DNMBP: variants seen among roughly 807,000 people sequenced by gnomAD.
DNMBP encodes dynamin binding protein.
In DNMBP, 87 loss-of-function variants were observed where a neutral mutation model predicts 150.0. That is an observed-to-expected ratio of 0.58 (90% CI 0.49 to 0.69). DNMBP has a LOEUF of 0.69. Ranked by LOEUF, DNMBP falls within the 30% of genes least tolerant of loss-of-function variation. DNMBP has a pLI of 0.00. For synonymous variants in DNMBP, 711 were observed against 750.4 expected (o/e 0.95, Z 0.86); for missense variants, 1,774 against 1,949.0 (o/e 0.91, Z 1.69).
At chr10:100,004,254 AAT>A (rs1350277783) in intron 1 of DNMBP, among the ~76,000 whole-genome samples, 1 of 150,452 alleles carries the variant, frequency 6.6e-6, no homozygotes, top group Admixed American at 6.6e-5. Context: ...CAAAAGAAAA[AAT>A]ATATATATAT....
intron 3 of DNMBP, among the ~76,000 whole-genome samples, chr10:99,962,056 T>C (rs2040570572): frequency 6.6e-6 from 1 of 151,536 alleles, no homozygotes; most frequent in Admixed American, 6.6e-5. Context: ...ATCTGAAACC[T>C]AGGCTTGCTT....
intron 4 of DNMBP, among the ~76,000 whole-genome samples, chr10:99,943,262 G>A (rs2040321965): frequency 2.0e-5 from 3 of 151,610 alleles, no homozygotes; most frequent in Admixed American, 2.0e-4. Flanking sequence ...TCCAGCCTAG[G>A]TGACAAGAGT....
intron 14 of DNMBP, among the ~76,000 whole-genome samples, chr10:99,884,771 C>CGTTA (rs2039431068): frequency 6.6e-6 from 1 of 151,992 alleles, no homozygotes; most frequent in African/African-American, 2.4e-5. Context: ...GGCATGGTAA[C>CGTTA]GCATGCCTGT....
rs781306555 is a variant in DNMBP, at chr10:99,886,356, C to T, written c.3562G>A (p.Glu1188Lys). The T allele has an allele frequency of 2.5e-6, 4 of 1,614,182 alleles. No homozygotes were observed. In the Admixed American group the frequency reaches 5.0e-5, roughly 20 times the overall value. ...LFTNCVHGYA[E>K]AHCDFVHQAL... ...TGGTGCACAAAGTCACAGTGGGCTT[C>T]AGCATAGCCGTGGACACAGTTGGTG... The change falls in exon 13 of 17, where the codon GAA (glutamate) becomes AAA (lysine). Residue 1188 changes from glutamate to lysine, a missense_variant. Glu to Lys is a moderately conservative substitution (Grantham distance 56). This residue lies in a region of DNMBP where 1,430 missense variants were observed against 1,492.5 expected (regional missense o/e 0.96). Transcript: ENST00000324109.
intron 15 of DNMBP, among the ~76,000 whole-genome samples, chr10:99,882,812 C>T (rs2039389907): frequency 6.6e-6 from 1 of 152,026 alleles, no homozygotes; most frequent in South Asian, 2.1e-4. Context: ...TGCTTGTAAT[C>T]CTGGCACTTT....
At chr10:99,953,855 A>G (rs1460910249) in intron 4 of DNMBP, among the ~76,000 whole-genome samples, 2 of 145,402 alleles carry the variant, frequency 1.4e-5, no homozygotes, top group African/African-American at 5.2e-5. Context: ...TCTGGACAGC[A>G]AAGATACAAG....
intron 3 of DNMBP, among the ~76,000 whole-genome samples, chr10:99,960,196 T>C (rs1466770604): frequency 2.0e-5 from 3 of 152,348 alleles, no homozygotes; most frequent in Non-Finnish European, 2.9e-5. Context: ...TGATTTAATT[T>C]TGAAAAAATT....
intron 16 of DNMBP, 91 bp from the exon 17 acceptor site, chr10:99,877,427 A>G: frequency 1.0e-6 from 1 of 992,706 alleles, no homozygotes; most frequent in African/African-American, 1.6e-5. Flanking sequence ...CCACATCCAC[A>G]TGCCCACATG....
At chr10:99,962,287 A>G (rs369405970) in intron 3 of DNMBP, among the ~76,000 whole-genome samples, 51 of 152,318 alleles carry the variant, frequency 3.3e-4, no homozygotes, top group South Asian at 1.2e-3. Flanking sequence ...CTGTATTTCT[A>G]CATTCCTTTA....
chr10:99,895,042 A>G lies in DNMBP; in HGVS notation c.3060T>C (p.Asp1020=). Residue 1020 remains aspartate, a synonymous_variant, in exon 11 of 17, where the codon GAT becomes GAC. Transcript: ENST00000324109. ...TTTTTTCTGTTTCTTCAAATACTTC[A>G]TCTTTTATCTGTTCAAAAATAAACA... is the stretch of plus-strand genomic sequence containing the variant. ...HLTGFAPQIK[D]EVFEETEKNF... 6.3e-7 allele frequency: 1 copy of G among 1,597,454 alleles called. No individual in the cohort carries two copies. The highest frequency in any genetic ancestry group is 8.6e-7 in the Non-Finnish European group (1 of 1,166,880).
intron 4 of DNMBP, among the ~76,000 whole-genome samples, chr10:99,924,612 G>C (rs555337355): frequency 3.3e-5 from 5 of 152,288 alleles, no homozygotes; most frequent in African/African-American, 9.6e-5. Flanking sequence ...TGCCTTCTCT[G>C]GATACCTTCA....
intron 11 of DNMBP, among the ~76,000 whole-genome samples, chr10:99,893,975 T>TA (rs927818125): frequency 7.2e-5 from 11 of 152,248 alleles, no homozygotes; most frequent in African/African-American, 2.2e-4. Context: ...ACTTTTTTTT[T>TA]AAAAAAGTTA....
At chr10:99,936,180 A>ACT (rs1361139985) in intron 4 of DNMBP, among the ~76,000 whole-genome samples, 1 of 151,876 alleles carries the variant, frequency 6.6e-6, no homozygotes. Context: ...AAATTAGAGT[A>ACT]ATTTTTTCAA....
chr10:99,987,100 AG>A (rs2133372580), intron 1 of DNMBP, among the ~76,000 whole-genome samples: 1 of 150,778 alleles, frequency 6.6e-6, no homozygotes, highest in Admixed American at 6.6e-5. Flanking sequence ...GCTTTCAGTG[AG>A]CTGAGATCGC....
At chr10:99,919,101 G>T (rs1372341905) in intron 4 of DNMBP, among the ~76,000 whole-genome samples, 1 of 152,164 alleles carries the variant, frequency 6.6e-6, no homozygotes, top group Non-Finnish European at 1.5e-5. Flanking sequence ...AGGTAATAGT[G>T]CTCACGTTTT....
intron 4 of DNMBP, among the ~76,000 whole-genome samples, chr10:99,931,308 C>A (rs192908161): frequency 1.3e-5 from 2 of 152,312 alleles, no homozygotes; most frequent in East Asian, 3.9e-4. Context: ...ACATCTGAAA[C>A]CTTTCAGGAC....
At position 99,929,886 on chromosome 10, in the gene DNMBP, T is replaced by C. The variant is rs931425655; in HGVS notation, c.2261-20740A>G. On this transcript the variant is annotated intron_variant, in intron 4 of 16. Coordinates refer to ENST00000324109, the MANE Select transcript of DNMBP (RefSeq NM_015221.4). Reference sequence around the variant, plus strand: ...TATGTCAGTGCCATTATACTCCAAATTCTCCATTTGATGGAGAGAATCTGT... The same window carrying C: ...TATGTCAGTGCCATTATACTCCAAACTCTCCATTTGATGGAGAGAATCTGT... 4.3e-6 allele frequency: 3 copies of C among 702,870 alleles called. No homozygotes were observed. The Admixed American group carries it at 6.0e-5, about 14-fold the overall frequency. 43.5% of individuals were successfully genotyped at this position (702,870 alleles called of 1,614,324 possible). A position where few individuals can be genotyped will look rare whatever the true frequency, so the allele number is the denominator to read the frequency against.
intron 1 of DNMBP, among the ~76,000 whole-genome samples, chr10:99,982,862 GAGC>G (rs1236429460): frequency 1.3e-5 from 2 of 151,996 alleles, no homozygotes; most frequent in African/African-American, 4.8e-5. Context: ...GGGTATGGGG[GAGC>G]AGCTCTGAGG....
At chr10:99,999,051 A>G (rs2040982929) in intron 1 of DNMBP, among the ~76,000 whole-genome samples, 1 of 152,230 alleles carries the variant, frequency 6.6e-6, no homozygotes, top group African/African-American at 2.4e-5. Flanking sequence ...CTGTCAGTGC[A>G]GAATCCAGAG....
Sources: allele counts gnomAD v4.1 joint callset (sites outside exome capture counted in the v4.1 genomes callset), GRCh38; gene constraint gnomAD v4.1.1; regional missense constraint gnomAD v4.1.1; transcripts MANE v1.5; gene names NCBI Gene and HGNC (gene_info 2026-07-23, HGNC 2026-07-21).